Variants in IL36G observed in about 807,000 individuals in gnomAD.
The protein encoded by IL36G is interleukin 36 gamma.
In IL36G, 10 loss-of-function variants were observed where a neutral mutation model predicts 13.5. The observed-to-expected ratio is 0.74, with a 90% CI of 0.46 to 1.26. IL36G has a LOEUF of 1.26. Among genes scored for constraint, IL36G ranks in the 50% most tolerant of loss-of-function variants. The pLI is 0.00. For missense variants in IL36G, 199 were observed against 203.0 expected, an observed-to-expected ratio of 0.98 and a Z score of 0.12; for synonymous variants, 84 against 74.0, an observed-to-expected ratio of 1.13 and a Z score of -0.69.
chr2:112,979,321 C>G lies in IL36G; in HGVS notation c.156C>G (p.Thr52=). The G allele has an allele frequency of 6.3e-7, 1 of 1,594,172 alleles. No homozygotes were observed. Among genetic ancestry groups the G allele is most frequent in the Middle Eastern group, 1.7e-4 (1 of 6,020 alleles). Residue 52 remains threonine (T), a synonymous_variant, in exon 3 of 5, where the codon ACC becomes ACG. Coordinates refer to ENST00000259205, the MANE Select transcript of IL36G (RefSeq NM_019618.4). ...LVAVPRSDSV[T]PVTVAVITCK... ...CAGTTCCACGAAGTGACAGTGTGAC[C>G]CCAGGTGAGTGGTCACCCTGTGCCT...
At position 112,985,112 on chromosome 2, in the gene IL36G, G is replaced by A. The variant is rs1444757119; in HGVS notation, c.*63G>A. 2.6e-5 allele frequency: 32 copies of A among 1,219,048 alleles called. No individual in the cohort carries two copies. The highest frequency in any genetic ancestry group is 2.6e-4 in the Middle Eastern group (1 of 3,900). The allele number at this position is 1,219,048 out of a possible 1,614,324, so 75.5% of individuals were successfully genotyped here. A position where few individuals can be genotyped will look rare whatever the true frequency, so the allele number is the denominator to read the frequency against. On this transcript the variant is annotated 3_prime_UTR_variant, in exon 5 of 5. Transcript: ENST00000259205. ...AGTTTCTGGTTCCCAATGTGTTTTCGTCTACATTTTCTTAGTGTCATTTTC... is the reference window on the plus strand; with the variant it reads ...AGTTTCTGGTTCCCAATGTGTTTTCATCTACATTTTCTTAGTGTCATTTTC...
chr2:112,984,834 T>C lies in IL36G; in HGVS notation c.301-6T>C. ...CTCCTAATGGGTACTTGTTCTGACA[T>C]TTCAGGAGCAGAAGATCATGGATCT... On this transcript the variant is annotated splice_polypyrimidine_tract_variant and splice_region_variant and intron_variant, in intron 4 of 4. Transcript: ENST00000259205. 3 of 1,612,726 alleles carry C rather than the reference T, an allele frequency of 1.9e-6. No individual in the cohort carries two copies. The East Asian group carries it at 6.7e-5, about 36-fold the overall frequency.
intron 4 of IL36G, among the ~76,000 whole-genome samples, chr2:112,981,771 A>G (rs1684265781): frequency 6.6e-6 from 1 of 151,996 alleles, no homozygotes; most frequent in Non-Finnish European, 1.5e-5. Context: ...TCATGGTTAC[A>G]TTTTCAGTGT....
At chr2:112,980,554 G>A (rs1684244005) in intron 4 of IL36G, among the ~76,000 whole-genome samples, 1 of 152,224 alleles carries the variant, frequency 6.6e-6, no homozygotes, top group African/African-American at 2.4e-5. Flanking sequence ...AGTTTAGAGT[G>A]AGAGTTGACA....
chr2:112,984,029 A>G (rs1226299607), intron 4 of IL36G, among the ~76,000 whole-genome samples: 2 of 152,144 alleles, frequency 1.3e-5, no homozygotes, highest in Non-Finnish European at 2.9e-5. Context: ...TTAGGGGATC[A>G]AAAAAAGAAA....
intron 4 of IL36G, 124 bp downstream of exon 4, chr2:112,980,272 T>G: frequency 1.2e-6 from 1 of 813,812 alleles, no homozygotes; most frequent in Non-Finnish European, 1.9e-6. Context: ...CCAGCCTCTT[T>G]TAAGTTATGT....
intron 4 of IL36G, among the ~76,000 whole-genome samples, chr2:112,982,609 T>C (rs999369026): frequency 2.6e-5 from 4 of 152,076 alleles, no homozygotes; most frequent in African/African-American, 9.7e-5. Flanking sequence ...TGAGTCAGAT[T>C]CTGGTAGTAT....
At chr2:112,979,912 C>A in intron 3 of IL36G, 97 bp from the exon 4 acceptor site, 1 of 1,227,914 alleles carries the variant, frequency 8.1e-7, no homozygotes. Context: ...CTCTTCAGCT[C>A]TCTTCCAGAT....
Position 112,980,077 on chromosome 2 carries a change from T to A in IL36G, c.229T>A (p.Leu77Met). 1 of 1,613,484 alleles carries A rather than the reference T, an allele frequency of 6.2e-7. No individual in the cohort carries two copies. Among genetic ancestry groups the A allele is most frequent in the Admixed American group, 1.7e-5 (1 of 60,030 alleles). The change falls in exon 4 of 5, where the codon TTG (leucine) becomes ATG (methionine). Residue 77 changes from leucine to methionine, a missense_variant. Transcript: ENST00000259205. ...GCAAGGCAGAGGGGATCCCATTTATTTGGGAATCCAGAATCCAGAAATGTG... is the reference window on the plus strand; with the variant it reads ...GCAAGGCAGAGGGGATCCCATTTATATGGGAATCCAGAATCCAGAAATGTG... ...LEQGRGDPIYLGIQNPEMCLY... is the reference protein window; with the variant it reads ...LEQGRGDPIYMGIQNPEMCLY...
chr2:112,981,135 G>A, intron 4 of IL36G: 1 of 992,890 alleles, frequency 1.0e-6, no homozygotes, highest in South Asian at 1.3e-5. Context: ...GTCACCAGAA[G>A]TACACAGTTA....
chr2:112,984,369 G>T (rs1684315457), intron 4 of IL36G, among the ~76,000 whole-genome samples: 1 of 152,106 alleles, frequency 6.6e-6, no homozygotes, highest in African/African-American at 2.4e-5. Flanking sequence ...ACCCTCTTGG[G>T]TCTTTTTCAT....
intron 4 of IL36G, among the ~76,000 whole-genome samples, chr2:112,982,324 C>T (rs531248043): frequency 1.3e-5 from 2 of 152,208 alleles, no homozygotes; most frequent in East Asian, 3.9e-4. Flanking sequence ...CAGTGAGGAC[C>T]GGTGTGCAGG....
rs925641485 is a variant in IL36G, at chr2:112,984,944, C to T, written c.405C>T (p.Phe135=). The T allele has an allele frequency of 5.0e-6, 8 of 1,613,938 alleles. No homozygotes were observed. The South Asian group carries it at 6.6e-5, about 13-fold the overall frequency. The change falls in exon 5 of 5, where the codon TTC becomes TTT. Residue 135 remains phenylalanine (F), a synonymous_variant. Transcript: ENST00000259205. ...CCTCCACCCTTGAGTCTGTGGCCTT[C>T]CCGGACTGGTTCATTGCCTCCTCCA... The part of the protein sequence containing the change: ...GRTSTLESVA[F]PDWFIASSKR...
intron 1 of IL36G, 116 bp downstream of exon 1, chr2:112,978,194 A>G (rs185907526): frequency 2.0e-3 from 421 of 206,586 alleles, no homozygotes; most frequent in African/African-American, 9.0e-3. Context: ...GCTTTGTCCT[A>G]TGTGTGGCTG....
intron 4 of IL36G, chr2:112,981,564 C>A: frequency 2.5e-6 from 1 of 398,468 alleles, no homozygotes; most frequent in South Asian, 3.5e-5. Flanking sequence ...TTGATATATT[C>A]TTGGCCATCA....
intron 4 of IL36G, chr2:112,981,451 GC>G: frequency 1.5e-6 from 1 of 657,640 alleles, no homozygotes; most frequent in East Asian, 2.7e-5. Context: ...GGCCACCCCA[GC>G]GGGATATAGG....
intron 3 of IL36G, 33 bp downstream of exon 3, chr2:112,979,358 T>C (rs1279831129): frequency 2.4e-6 from 3 of 1,250,820 alleles, no homozygotes; most frequent in Admixed American, 1.7e-5. Context: ...CCCCACTGTT[T>C]GCACTGCTGT....
Position 112,985,169 on chromosome 2 carries a change from G to T in IL36G, c.*120G>T, listed in dbSNP as rs75448924. The T allele has an allele frequency of 0.017, 11,412 of 654,812 alleles. 474 individuals carry two copies. The highest frequency in any genetic ancestry group is 0.085 in the South Asian group (4,395 of 51,800). 40.6% of individuals were successfully genotyped at this position (654,812 alleles called of 1,614,324 possible). A position where few individuals can be genotyped will look rare whatever the true frequency, so the allele number is the denominator to read the frequency against. ...GTGCTGAGACAGGGGCAAGGCTGCT[G>T]TTATCATCTCATTTTATAATGAAGA... On this transcript the variant is annotated 3_prime_UTR_variant, in exon 5 of 5. Transcript: ENST00000259205.
At chr2:112,980,601 C>T (rs1209605686) in intron 4 of IL36G, among the ~76,000 whole-genome samples, 9 of 152,210 alleles carry the variant, frequency 5.9e-5, no homozygotes, top group African/African-American at 2.2e-4. Flanking sequence ...TTTTCACAAG[C>T]CAACCCTGAC....
Sources: gnomAD v4.1 joint callset for allele counts (sites outside exome capture counted in the v4.1 genomes callset) on GRCh38, gnomAD v4.1.1 for gene constraint, MANE v1.5 for transcripts, NCBI Gene and HGNC (gene_info 2026-07-23, HGNC 2026-07-21) for gene names.